The following DZIP1L variants were observed in gnomAD, a reference collection of about 807,000 sequenced individuals.
DZIP1L encodes DAZ interacting zinc finger protein 1 like, also known as cilium assembly protein DZIP1L.
Under a neutral mutation model 88.7 loss-of-function variants are expected in DZIP1L, and 90 were observed. That is an observed-to-expected ratio of 1.02 (90% CI 0.86 to 1.21). DZIP1L has a LOEUF of 1.21. Ranked by LOEUF, DZIP1L falls within the 50% of genes most tolerant of loss-of-function variation. The pLI is 0.00. For missense variants in DZIP1L, 932 were observed against 955.8 expected (o/e 0.98, Z 0.33); for synonymous variants, 363 against 372.1 (o/e 0.98, Z 0.28).
Position 138,086,877 on chromosome 3 carries a change from T to C in DZIP1L, c.1062+84A>G, listed in dbSNP as rs1029671906. On this transcript the variant is annotated intron_variant, in intron 7 of 15. Transcript: ENST00000327532. Reference sequence around the variant, plus strand: ...GTTCCAGGTGAGATAGGGGAGATGGTGGGTGAGGGGGCGTGGAGAATGCTG... The same window carrying C: ...GTTCCAGGTGAGATAGGGGAGATGGCGGGTGAGGGGGCGTGGAGAATGCTG... 3.6e-6 allele frequency: 5 copies of C among 1,401,188 alleles called. No homozygotes were observed. In the South Asian group the frequency reaches 3.7e-5, roughly 10 times the overall value. The allele number at this position is 1,401,188 out of a possible 1,614,324, so 86.8% of individuals were successfully genotyped here.
chr3:138,113,899 A>G (rs1479970914), intron 1 of DZIP1L, among the ~76,000 whole-genome samples: 1 of 152,216 alleles, frequency 6.6e-6, no homozygotes, highest in East Asian at 1.9e-4. Flanking sequence ...AGTTTTTGCC[A>G]CAAACGGATT....
At chr3:138,101,543 C>A in intron 2 of DZIP1L, 2 of 794,070 alleles carry the variant, frequency 2.5e-6, no homozygotes, top group East Asian at 4.8e-5. Context: ...ATCTTCTTCA[C>A]AACCACAGTG....
At chr3:138,100,739 C>T (rs757008141) in intron 2 of DZIP1L, among the ~76,000 whole-genome samples, 42 of 152,202 alleles carry the variant, frequency 2.8e-4, no homozygotes, top group Non-Finnish European at 5.7e-4. Context: ...ACCCATCCAT[C>T]CGTAAACTAT....
At chr3:138,114,792 C>T (rs1264899331) in intron 1 of DZIP1L, among the ~76,000 whole-genome samples, 1 of 152,126 alleles carries the variant, frequency 6.6e-6, no homozygotes, top group Non-Finnish European at 1.5e-5. Context: ...AGCAGGTCTT[C>T]GGTGGACTTT....
At chr3:138,102,241 G>T in intron 2 of DZIP1L, 1 of 1,427,066 alleles carries the variant, frequency 7.0e-7, no homozygotes, top group Non-Finnish European at 9.8e-7. Flanking sequence ...TCATACAGCT[G>T]CCTGAGGAAG....
intron 10 of DZIP1L, among the ~76,000 whole-genome samples, chr3:138,078,317 T>G (rs771243240): frequency 3.9e-5 from 6 of 152,100 alleles, no homozygotes; most frequent in Non-Finnish European, 7.4e-5. Context: ...CAGTAGACAT[T>G]AACTGAACAA....
chr3:138,104,088 T>G (rs2042409360), intron 1 of DZIP1L, 36 bp from the exon 2 acceptor site: 1 of 1,475,930 alleles, frequency 6.8e-7, no homozygotes, highest in Non-Finnish European at 8.9e-7. Flanking sequence ...TTAGGTGAGG[T>G]GTGTGTGGCT....
rs774957162 is a variant in DZIP1L, at chr3:138,092,461, A to G, written c.792T>C (p.Tyr264=). ...ATTTTTTTAGTTTATCTATTTCCCC[A>G]TAAAGTTTGGTCCACTCTTGCTCTT... ...KWKEQEWTKL[Y]GEIDKLKKLF... The change falls in exon 5 of 16, where the codon TAT becomes TAC. Residue 264 remains tyrosine (Y), a synonymous_variant. Transcript: ENST00000327532. The G allele has an allele frequency of 5.0e-6, 8 of 1,607,208 alleles. No homozygotes were observed. The highest frequency in any genetic ancestry group is 1.3e-5 in the African/African-American group (1 of 74,668).
chr3:138,076,504 C>G (rs1280099917), intron 11 of DZIP1L, among the ~76,000 whole-genome samples: 1 of 152,164 alleles, frequency 6.6e-6, no homozygotes, highest in Non-Finnish European at 1.5e-5. Context: ...AAATGTGGAA[C>G]CAGCCTAAAT....
chr3:138,089,921 G>A (rs1025174673), intron 5 of DZIP1L, among the ~76,000 whole-genome samples: 1 of 152,034 alleles, frequency 6.6e-6, no homozygotes, highest in African/African-American at 2.4e-5. Context: ...GGCTGGGGTG[G>A]ACAGATCACT....
intron 4 of DZIP1L, among the ~76,000 whole-genome samples, chr3:138,093,156 T>C (rs1450623788): frequency 1.3e-5 from 2 of 152,260 alleles, no homozygotes; most frequent in African/African-American, 4.8e-5. Flanking sequence ...AAGTCAAAAT[T>C]ACTCCTTGAT....
chr3:138,080,796 C>T (rs760716695), intron 9 of DZIP1L, among the ~76,000 whole-genome samples, 176 bp from the exon 10 acceptor site: 6 of 152,196 alleles, frequency 3.9e-5, no homozygotes, highest in Non-Finnish European at 7.3e-5. Context: ...GATCAGAGTC[C>T]ACACACTAGC....
intron 9 of DZIP1L, among the ~76,000 whole-genome samples, chr3:138,081,162 A>C (rs1943628786): frequency 6.6e-6 from 1 of 152,138 alleles, no homozygotes; most frequent in Non-Finnish European, 1.5e-5. Context: ...CTGGGGGTGG[A>C]GGATGAAGGG....
intron 6 of DZIP1L, 139 bp from the exon 7 acceptor site, chr3:138,087,162 G>A: frequency 1.5e-6 from 1 of 687,974 alleles, no homozygotes; most frequent in Non-Finnish European, 2.4e-6. Flanking sequence ...GACAAAGATG[G>A]AAATACATAG....
chr3:138,115,062 G>A (rs1001595757), intron 1 of DZIP1L, among the ~76,000 whole-genome samples: 1 of 152,130 alleles, frequency 6.6e-6, no homozygotes, highest in Non-Finnish European at 1.5e-5. Context: ...CCCCGCGCAC[G>A]GGTCCTTCCC....
In DZIP1L at chr3:138,094,993, C is replaced by G; in HGVS notation, c.587-10G>C. On this transcript the variant is annotated splice_polypyrimidine_tract_variant and intron_variant, in intron 3 of 15. Coordinates refer to ENST00000327532, the MANE Select transcript of DZIP1L (RefSeq NM_173543.3). ...TGTTTCTTCTGTTTTCCTGTGGGGT[C>G]CACGCAAAGACAGGTGACCAGTTTA... is the stretch of plus-strand genomic sequence containing the variant. The G allele has an allele frequency of 6.2e-7, 1 of 1,614,186 alleles. No homozygotes were observed. Among genetic ancestry groups the G allele is most frequent in the Non-Finnish European group, 8.5e-7 (1 of 1,180,024 alleles).
chr3:138,084,718 C>T (rs1943841887), intron 7 of DZIP1L, among the ~76,000 whole-genome samples: 1 of 152,148 alleles, frequency 6.6e-6, no homozygotes, highest in Non-Finnish European at 1.5e-5. Context: ...TAGATGGGGA[C>T]AGGTGGGAGT....
chr3:138,075,455 T>G (rs1033012922), intron 11 of DZIP1L, among the ~76,000 whole-genome samples: 7 of 152,050 alleles, frequency 4.6e-5, no homozygotes, highest in Non-Finnish European at 1.0e-4. Flanking sequence ...TATCAAGCAC[T>G]CTCTCAGATC....
intron 12 of DZIP1L, chr3:138,069,046 T>C: frequency 8.1e-7 from 1 of 1,232,796 alleles, no homozygotes; most frequent in Non-Finnish European, 1.0e-6. Context: ...GAAATACAGT[T>C]GACCCCGAAA....
Sources: gnomAD v4.1 joint callset for allele counts (sites outside exome capture counted in the v4.1 genomes callset) on GRCh38, gnomAD v4.1.1 for gene constraint, MANE v1.5 for transcripts, NCBI Gene and HGNC (gene_info 2026-07-23, HGNC 2026-07-21) for gene names.